Variants in LCOR observed in about 807,000 individuals in gnomAD.
LCOR encodes ligand dependent nuclear receptor corepressor, also known as ligand-dependent corepressor.
LCOR carries 14 observed loss-of-function variants against 64.4 expected under a neutral mutation model. That is an observed-to-expected ratio of 0.22 (90% CI 0.14 to 0.34). The LOEUF is 0.34. Ranked by LOEUF, LCOR falls within the 10% of genes least tolerant of loss-of-function variation. The pLI, the probability that LCOR is intolerant of heterozygous loss-of-function variation, is 1.00. For missense variants in LCOR, 1,686 were observed against 1,765.3 expected (o/e 0.96, Z 0.80); for synonymous variants, 643 against 642.5 (o/e 1.00, Z -0.01).
chr10:96,840,338 C>T (rs1209824616), intron 2 of LCOR, among the ~76,000 whole-genome samples: 1 of 152,062 alleles, frequency 6.6e-6, no homozygotes, highest in African/African-American at 2.4e-5. Flanking sequence ...TTTCTGAATT[C>T]ATTATTGTGC....
chr10:96,958,160 T>A (rs1229549635), intron 7 of LCOR: 2 of 1,260,524 alleles, frequency 1.6e-6, no homozygotes, highest in Non-Finnish European at 2.0e-6. Context: ...AGCCCAGGAT[T>A]GCTACAAAAA....
chr10:96,988,459 C>G lies in LCOR; in HGVS notation c.*3325C>G, dbSNP rs1013488848. On this transcript the variant is annotated 3_prime_UTR_variant, in exon 8 of 8. Coordinates refer to ENST00000421806, the MANE Select transcript of LCOR (RefSeq NM_001346516.2). ...ATAGAAGAGGTGCCCTTAGTCATCC[C>G]TTTACATATGTGGTGCTTTCTAATG... is the stretch of plus-strand genomic sequence containing the variant. 1 of 152,184 alleles carries G rather than the reference C, an allele frequency of 6.6e-6. No homozygotes were observed. Among genetic ancestry groups the G allele is most frequent in the Admixed American group, 6.5e-5 (1 of 15,280 alleles). The allele number at this position is 152,184 out of a possible 1,614,324, so 9.4% of individuals were successfully genotyped here. A position where few individuals can be genotyped will look rare whatever the true frequency, so the allele number is the denominator to read the frequency against.
At chr10:96,843,953 G>A (rs1057175855) in intron 2 of LCOR, among the ~76,000 whole-genome samples, 1 of 152,158 alleles carries the variant, frequency 6.6e-6, no homozygotes, top group Admixed American at 6.5e-5. Flanking sequence ...GACCTTTGAT[G>A]TTGTTAACAT....
chr10:96,837,488 C>T (rs984140253), intron 2 of LCOR, among the ~76,000 whole-genome samples: 1 of 152,060 alleles, frequency 6.6e-6, no homozygotes, highest in Non-Finnish European at 1.5e-5. Flanking sequence ...GAACTCCTGA[C>T]CTCGTGATCC....
At chr10:96,838,391 G>T (rs570600217) in intron 2 of LCOR, among the ~76,000 whole-genome samples, 1 of 152,004 alleles carries the variant, frequency 6.6e-6, no homozygotes, top group Non-Finnish European at 1.5e-5. Context: ...CAAAGTCCTG[G>T]GATTACAGGT....
At chr10:96,838,719 C>T (rs1056599996) in intron 2 of LCOR, among the ~76,000 whole-genome samples, 5 of 152,104 alleles carry the variant, frequency 3.3e-5, no homozygotes, top group East Asian at 1.9e-4. Flanking sequence ...TTTGTTTATC[C>T]GTTAATCAGT....
In LCOR at chr10:96,920,800, G is replaced by A. The variant is rs538631411; in HGVS notation, c.-184+13053G>A. ...CACACACACACACACACGCGCGGTG[G>A]GGGGGTGGTGGGCGGGAGACAGGAT... On this transcript the variant is annotated intron_variant, in intron 4 of 7. Transcript: ENST00000421806. Among the ~76,000 whole-genome samples, 330 of 143,380 alleles carry A rather than the reference G, an allele frequency of 2.3e-3. 6 individuals carry two copies. Among genetic ancestry groups the A allele is most frequent in the Non-Finnish European group, 3.4e-3 (222 of 65,638 alleles). The allele number at this position is 143,380 out of a possible 152,430, so 94.1% of individuals were successfully genotyped here.
At chr10:96,924,054 TTC>T (rs1847125722) in intron 4 of LCOR, among the ~76,000 whole-genome samples, 1 of 152,236 alleles carries the variant, frequency 6.6e-6, no homozygotes, top group Non-Finnish European at 1.5e-5. Flanking sequence ...GCTGCTTTTA[TTC>T]TCTTTCTCTT....
chr10:96,905,699 T>G (rs371092169), intron 2 of LCOR, among the ~76,000 whole-genome samples: 10 of 152,086 alleles, frequency 6.6e-5, no homozygotes, highest in Admixed American at 1.3e-4. Context: ...ATAATAGACA[T>G]AGATACCTCC....
At chr10:96,869,713 T>G (rs1472437547) in intron 2 of LCOR, among the ~76,000 whole-genome samples, 2 of 151,920 alleles carry the variant, frequency 1.3e-5, no homozygotes, top group African/African-American at 4.8e-5. Context: ...TAGCTGGGAT[T>G]ATAGGTGCAC....
At chr10:96,883,352 G>C (rs1231182821) in intron 2 of LCOR, among the ~76,000 whole-genome samples, 2 of 152,282 alleles carry the variant, frequency 1.3e-5, no homozygotes, top group East Asian at 3.9e-4. Flanking sequence ...TTTTTATGTG[G>C]ACATGTTTTC....
At chr10:96,838,257 T>C (rs1845480059) in intron 2 of LCOR, among the ~76,000 whole-genome samples, 1 of 152,180 alleles carries the variant, frequency 6.6e-6, no homozygotes, top group East Asian at 1.9e-4. Flanking sequence ...AGGTTGTACA[T>C]ATATCATCAC....
chr10:96,955,201 C>G (rs141663552), intron 7 of LCOR: 7 of 1,614,176 alleles, frequency 4.3e-6, no homozygotes, highest in Non-Finnish European at 5.9e-6. Flanking sequence ...AGGGAAGCCT[C>G]TTGGGCAAAA....
At position 96,986,076 on chromosome 10, in the gene LCOR, G is replaced by A. The variant is rs893883440; in HGVS notation, c.*942G>A. 11 of 166,934 alleles carry A rather than the reference G, an allele frequency of 6.6e-5. No individual in the cohort carries two copies. Among genetic ancestry groups the A allele is most frequent in the East Asian group, 1.9e-4 (1 of 5,196 alleles). 10.3% of individuals were successfully genotyped at this position (166,934 alleles called of 1,614,324 possible). On this transcript the variant is annotated 3_prime_UTR_variant, in exon 8 of 8. Transcript: ENST00000421806. ...AGTACTTCCATATTCAAAGAAAGCC[G>A]AACTATTATTTCCAGTAATAGAAAG... is the stretch of plus-strand genomic sequence containing the variant.
At chr10:96,951,478 A>G (rs528824805) in intron 6 of LCOR, among the ~76,000 whole-genome samples, 1 of 152,254 alleles carries the variant, frequency 6.6e-6, no homozygotes, top group East Asian at 1.9e-4. Flanking sequence ...AGGATTGAAT[A>G]TAAGTATACA....
intron 2 of LCOR, among the ~76,000 whole-genome samples, chr10:96,850,011 A>C (rs1390990020): frequency 6.6e-6 from 1 of 152,122 alleles, no homozygotes; most frequent in Non-Finnish European, 1.5e-5. Flanking sequence ...TGTTGGAAAA[A>C]CTGACAGTGA....
At chr10:96,848,496 A>G (rs550156628) in intron 2 of LCOR, among the ~76,000 whole-genome samples, 29 of 152,286 alleles carry the variant, frequency 1.9e-4, no homozygotes, top group Middle Eastern at 3.4e-3. Flanking sequence ...TGTCTCTACT[A>G]AAAATACAAA....
chr10:96,837,833 G>C (rs749279680), intron 2 of LCOR, among the ~76,000 whole-genome samples: 4 of 152,210 alleles, frequency 2.6e-5, no homozygotes, highest in Non-Finnish European at 5.9e-5. Flanking sequence ...GGAAAGCTCA[G>C]TAGAGGGGCT....
chr10:96,842,970 T>C (rs772346999), intron 2 of LCOR, among the ~76,000 whole-genome samples: 2 of 152,188 alleles, frequency 1.3e-5, no homozygotes, highest in Non-Finnish European at 2.9e-5. Context: ...ATACATTGTA[T>C]GTAGAGGAAG....
Sources: gnomAD v4.1 joint callset for allele counts (sites outside exome capture counted in the v4.1 genomes callset) on GRCh38, gnomAD v4.1.1 for gene constraint, MANE v1.5 for transcripts, NCBI Gene and HGNC (gene_info 2026-07-23, HGNC 2026-07-21) for gene names.